ROBO2: variants seen among roughly 807,000 people sequenced by gnomAD.
ROBO2 encodes roundabout guidance receptor 2, also known as roundabout homolog 2.
In ROBO2, 53 loss-of-function variants were observed where a neutral mutation model predicts 160.8. The observed-to-expected ratio is 0.33, with a 90% CI of 0.26 to 0.41. The LOEUF (loss-of-function observed/expected upper bound fraction) is 0.41, where lower values mean the gene tolerates loss of function less well. Ranked by LOEUF, ROBO2 falls within the 10% of genes least tolerant of loss-of-function variation. The pLI is 1.00. For synonymous variants in ROBO2, 664 were observed against 611.7 expected (o/e 1.09, Z -1.26); for missense variants, 1,577 against 1,722.4 (o/e 0.92, Z 1.49).
intron 2 of ROBO2, among the ~76,000 whole-genome samples, chr3:76,383,066 A>T (rs889687652): frequency 6.6e-6 from 1 of 152,238 alleles, no homozygotes; most frequent in African/African-American, 2.4e-5. Context: ...GCCATTGAAA[A>T]CATTGAACAA....
intron 2 of ROBO2, among the ~76,000 whole-genome samples, chr3:77,191,411 A>T (rs1689792232): frequency 6.6e-6 from 1 of 152,152 alleles, no homozygotes; most frequent in African/African-American, 2.4e-5. Context: ...GAGGGATTTC[A>T]CTAGATCATT....
intron 2 of ROBO2, among the ~76,000 whole-genome samples, chr3:76,269,756 T>G (rs1030963391): frequency 6.6e-6 from 1 of 152,044 alleles, no homozygotes; most frequent in Non-Finnish European, 1.5e-5. Context: ...ATTTCGTATC[T>G]CTCGTGTCTA....
At chr3:76,140,032 AACTG>A (rs2071572102) in intron 2 of ROBO2, among the ~76,000 whole-genome samples, 1 of 152,082 alleles carries the variant, frequency 6.6e-6, no homozygotes, top group Non-Finnish European at 1.5e-5. Context: ...ATAAATAGCC[AACTG>A]ACTGCGTCAT....
intron 2 of ROBO2, among the ~76,000 whole-genome samples, chr3:77,407,535 T>C (rs1218992001): frequency 6.6e-6 from 1 of 152,164 alleles, no homozygotes; most frequent in African/African-American, 2.4e-5. Flanking sequence ...AGAAAAATTA[T>C]CATGTGCAAA....
chr3:77,607,892 C>T (rs377172589), exon 21 of ROBO2: 3 of 1,614,014 alleles, frequency 1.9e-6, no homozygotes, highest in East Asian at 2.2e-5. Flanking sequence ...TACCTCCCCC[C>T]CCAGTCCAGC....
At chr3:76,988,241 T>C (rs1231143970) in intron 2 of ROBO2, among the ~76,000 whole-genome samples, 1 of 152,182 alleles carries the variant, frequency 6.6e-6, no homozygotes, top group East Asian at 1.9e-4. Flanking sequence ...AAATATACTG[T>C]AAATCATGTC....
chr3:76,474,933 C>T (rs761649805), intron 2 of ROBO2, among the ~76,000 whole-genome samples: 1 of 152,026 alleles, frequency 6.6e-6, no homozygotes, highest in Non-Finnish European at 1.5e-5. Flanking sequence ...CTTCTCATGG[C>T]AACGTCAGAA....
At chr3:76,374,622 C>A (rs890685598) in intron 2 of ROBO2, among the ~76,000 whole-genome samples, 1 of 151,904 alleles carries the variant, frequency 6.6e-6, no homozygotes, top group Non-Finnish European at 1.5e-5. Flanking sequence ...ATTAGCTTTA[C>A]GCCTTGTAAA....
At chr3:77,097,907 C>G (rs1468751942) in intron 1 of ROBO2, 107 bp from the exon 2 acceptor site, 7 of 962,878 alleles carry the variant, frequency 7.3e-6, no homozygotes, top group African/African-American at 3.3e-5. Flanking sequence ...AAATAATGTT[C>G]AGTTGGATAA....
Position 76,637,133 on chromosome 3 carries a change from A to G in ROBO2, c.110-460881A>G, listed in dbSNP as rs537927009. ...ACATCTCCAGCCCAACTTTGGAACC[A>G]GTCAGGAGGACTATACAGCAGTGTT... On this transcript the variant is annotated intron_variant, in intron 2 of 26. Transcript: ENST00000487694. 1.0e-3 allele frequency among the ~76,000 whole-genome samples: 155 copies of G among 152,278 alleles called. 1 individual carries two copies. The highest frequency in any genetic ancestry group is 1.8e-3 in the Non-Finnish European group (121 of 68,028).
intron 2 of ROBO2, among the ~76,000 whole-genome samples, chr3:76,500,542 C>T (rs1328871393): frequency 2.0e-5 from 3 of 152,188 alleles, no homozygotes; most frequent in African/African-American, 7.2e-5. Context: ...AAAGTCAACA[C>T]AGAAGCTCCT....
chr3:76,650,675 A>G (rs1449913555), intron 2 of ROBO2, among the ~76,000 whole-genome samples: 1 of 152,056 alleles, frequency 6.6e-6, no homozygotes, highest in African/African-American at 2.4e-5. Context: ...TATTTTTACC[A>G]CAAACATTCT....
At chr3:77,573,744 A>G (rs1418299996) in intron 13 of ROBO2, among the ~76,000 whole-genome samples, 1 of 151,928 alleles carries the variant, frequency 6.6e-6, no homozygotes, top group Non-Finnish European at 1.5e-5. Context: ...GCACTTACGA[A>G]TTCTTCAGGG....
chr3:76,483,674 C>T (rs1232281370), intron 2 of ROBO2, among the ~76,000 whole-genome samples: 1 of 152,026 alleles, frequency 6.6e-6, no homozygotes, highest in African/African-American at 2.4e-5. Context: ...AGGTAGTAAG[C>T]TTAGTGCTCA....
In ROBO2 at chr3:76,425,826, G is replaced by T. The variant is rs983360456; in HGVS notation, c.109+488224G>T. ...AAGCTGCTAGAAGAGGACCCAGTGT[G>T]TTTACATCATGTTTGTGAGGTGTTC... On this transcript the variant is annotated intron_variant, in intron 2 of 26. Coordinates refer to the ROBO2 transcript ENST00000487694. Among the ~76,000 whole-genome samples, 10 of 151,884 alleles carry T rather than the reference G, an allele frequency of 6.6e-5. No homozygotes were observed. In the South Asian group the frequency reaches 1.5e-3, roughly 22 times the overall value.
chr3:77,607,718 CAT>C lies in ROBO2; in HGVS notation c.3137-78_3137-77del, dbSNP rs2094552215. On this transcript the variant is annotated intron_variant, in intron 20 of 25. Coordinates refer to ENST00000461745, the Ensembl canonical transcript of ROBO2. ...ACATACTGATTCTGGTGTTTTGAAA[CAT>C]AAATACACCTTGCCATCTGATGTAT... The C allele has an allele frequency of 3.9e-6, 5 of 1,293,182 alleles. No individual in the cohort carries two copies. The East Asian group carries it at 1.2e-4, about 30-fold the overall frequency. 80.1% of individuals were successfully genotyped at this position (1,293,182 alleles called of 1,614,324 possible). A position where few individuals can be genotyped will look rare whatever the true frequency, so the allele number is the denominator to read the frequency against.
intron 2 of ROBO2, among the ~76,000 whole-genome samples, chr3:76,722,193 G>A (rs1431285246): frequency 6.6e-6 from 1 of 152,104 alleles, no homozygotes; most frequent in African/African-American, 2.4e-5. Flanking sequence ...CCTGGAGGGA[G>A]ATCTTAGATG....
chr3:76,787,536 G>A (rs1247680611), intron 2 of ROBO2, among the ~76,000 whole-genome samples: 1 of 151,246 alleles, frequency 6.6e-6, no homozygotes, highest in Non-Finnish European at 1.5e-5. Flanking sequence ...ACCTACAAAT[G>A]CTAAAGGGAA....
rs894021918 is a variant in ROBO2 at position 76,581,569 on chromosome 3, C to T, written c.110-516445C>T. On this transcript the variant is annotated intron_variant, in intron 2 of 26. Coordinates refer to the ROBO2 transcript ENST00000487694. ...GGGAGGACTGCTTGAGCCCAGGAGG[C>T]CAAAGCTGCAGTGAGCTATGATCAT... 4.6e-5 allele frequency among the ~76,000 whole-genome samples: 7 copies of T among 152,128 alleles called. No individual in the cohort carries two copies. In the East Asian group the frequency reaches 1.4e-3, roughly 30 times the overall value.
Sources: gnomAD v4.1 joint callset for allele counts (sites outside exome capture counted in the v4.1 genomes callset) on GRCh38, gnomAD v4.1.1 for gene constraint, MANE v1.5 for transcripts, NCBI Gene and HGNC (gene_info 2026-07-23, HGNC 2026-07-21) for gene names.